UHRF2: variants seen among roughly 807,000 people sequenced by gnomAD.
UHRF2 encodes the protein ubiquitin like with PHD and ring finger domains 2, also known as E3 ubiquitin-protein ligase UHRF2.
Under a neutral mutation model 96.8 loss-of-function variants are expected in UHRF2, and 23 were observed. The ratio of observed to expected loss-of-function variants is 0.24; its 90% CI spans 0.17 to 0.34. The LOEUF (loss-of-function observed/expected upper bound fraction) is 0.34. Among genes scored for constraint, UHRF2 ranks in the 10% least tolerant of loss-of-function variants. UHRF2 has a pLI of 1.00. For missense variants in UHRF2, 685 were observed against 981.5 expected (o/e 0.70, Z 4.04); for synonymous variants, 385 against 332.6 (o/e 1.16, Z -1.72).
chr9:6,492,532 A>G (rs1263622421), intron 9 of UHRF2: 1 of 200,838 alleles, frequency 5.0e-6, no homozygotes, highest in Non-Finnish European at 9.0e-6. Context: ...AGGGTTTTGG[A>G]CCAATAACAC....
intron 9 of UHRF2, chr9:6,492,275 T>G (rs912824370): frequency 4.2e-5 from 47 of 1,129,284 alleles, no homozygotes; most frequent in Non-Finnish European, 5.2e-5. Flanking sequence ...ACTTTTTCTT[T>G]ATGGCACTCC....
intron 4 of UHRF2, among the ~76,000 whole-genome samples, chr9:6,461,457 C>G (rs926648139): frequency 3.4e-5 from 5 of 148,674 alleles, no homozygotes; most frequent in South Asian, 4.4e-4. Flanking sequence ...ACTGTAACCT[C>G]TGCCTCTTGG....
intron 6 of UHRF2, among the ~76,000 whole-genome samples, chr9:6,478,631 T>G (rs1224372712): frequency 6.6e-6 from 1 of 152,202 alleles, no homozygotes; most frequent in African/African-American, 2.4e-5. Flanking sequence ...GGTTTTTTCT[T>G]TTTAAACTAT....
chr9:6,480,979 TTTG>T (rs1235298277), intron 6 of UHRF2, among the ~76,000 whole-genome samples: 11 of 152,186 alleles, frequency 7.2e-5, no homozygotes, highest in Admixed American at 5.9e-4. Flanking sequence ...CCATTAGATC[TTTG>T]TTAGAGTATT....
intron 4 of UHRF2, among the ~76,000 whole-genome samples, chr9:6,463,144 G>A (rs1034207667): frequency 7.9e-5 from 12 of 151,746 alleles, no homozygotes; most frequent in Non-Finnish European, 1.5e-4. Flanking sequence ...AGCTGGGTGC[G>A]GTGTTGCATG....
chr9:6,505,771 C>T (rs1220687260), intron 15 of UHRF2, among the ~76,000 whole-genome samples: 3 of 152,218 alleles, frequency 2.0e-5, no homozygotes, highest in Non-Finnish European at 4.4e-5. Flanking sequence ...TATGTAATCT[C>T]TAACTCCACC....
rs190353225 is a variant in UHRF2 at position 6,467,031 on chromosome 9, A to G, written c.863+6240A>G. Among the ~76,000 whole-genome samples, 3 of 152,352 alleles carry G rather than the reference A, an allele frequency of 2.0e-5. No individual in the cohort carries two copies. The East Asian group carries it at 5.8e-4, about 29-fold the overall frequency. ...TTGTATTTAGTTTCCTATTGCTGCT[A>G]CAACAAATTACCACAAACATAGTAG... On this transcript the variant is annotated intron_variant, in intron 4 of 15. Coordinates refer to ENST00000276893, the MANE Select transcript of UHRF2 (RefSeq NM_152896.3).
At chr9:6,495,577 C>A (rs1282068577) in intron 10 of UHRF2, 1 of 152,170 alleles carries the variant, frequency 6.6e-6, no homozygotes, top group Non-Finnish European at 1.5e-5. Flanking sequence ...ATTCCTATTT[C>A]TTCCCAGCTC....
intron 2 of UHRF2, among the ~76,000 whole-genome samples, chr9:6,425,010 C>A (rs1024576100): frequency 2.0e-5 from 3 of 152,072 alleles, no homozygotes; most frequent in Admixed American, 6.6e-5. Flanking sequence ...CTGATGTGAA[C>A]CTTAATCATC....
Position 6,413,297 on chromosome 9 carries a change from A to T in UHRF2, c.-194A>T. On this transcript the variant is annotated 5_prime_UTR_variant, in exon 1 of 16. The change creates a new upstream start codon in the 5' untranslated region. Transcript: ENST00000276893. Reference sequence around the variant, plus strand: ...GAGTGGTTCCGGTCGTCTCTCCTCAAGTCGGCTAGTCGGGCGCGCGCGCTG... The same window carrying T: ...GAGTGGTTCCGGTCGTCTCTCCTCATGTCGGCTAGTCGGGCGCGCGCGCTG... 6.9e-6 allele frequency: 2 copies of T among 291,856 alleles called. No homozygotes were observed. Among genetic ancestry groups the T allele is most frequent in the Non-Finnish European group, 5.7e-6 (1 of 175,220 alleles). 18.1% of individuals were successfully genotyped at this position (291,856 alleles called of 1,614,324 possible).
intron 2 of UHRF2, among the ~76,000 whole-genome samples, chr9:6,430,585 A>T (rs1391809151): frequency 6.6e-6 from 1 of 152,126 alleles, no homozygotes; most frequent in Non-Finnish European, 1.5e-5. Flanking sequence ...TGTAATCCCG[A>T]GTCCATGCAC....
chr9:6,413,357 T>C lies in UHRF2; in HGVS notation c.-134T>C, dbSNP rs1819399693. The C allele has an allele frequency of 1.1e-6, 1 of 901,180 alleles. No individual in the cohort carries two copies. The highest frequency in any genetic ancestry group is 1.8e-5 in the African/African-American group (1 of 55,584). The allele number at this position is 901,180 out of a possible 1,614,324, so 55.8% of individuals were successfully genotyped here. A position where few individuals can be genotyped will look rare whatever the true frequency, so the allele number is the denominator to read the frequency against. On this transcript the variant is annotated 5_prime_UTR_variant, in exon 1 of 16. Coordinates refer to ENST00000276893, the MANE Select transcript of UHRF2 (RefSeq NM_152896.3). ...GCCGCCTGTCGGGCCCGGCGTCCGG[T>C]CGGTCCGGTGGGCGCGCTCGCCCGC...
chr9:6,423,297 A>G (rs1246603175), intron 2 of UHRF2, among the ~76,000 whole-genome samples: 2 of 152,216 alleles, frequency 1.3e-5, no homozygotes, highest in African/African-American at 4.8e-5. Flanking sequence ...TTGACCTACA[A>G]CATAAAGAAG....
At chr9:6,498,754 C>G (rs1254077885) in intron 12 of UHRF2, 1 of 152,290 alleles carries the variant, frequency 6.6e-6, no homozygotes, top group Non-Finnish European at 1.5e-5. Flanking sequence ...TGCCTGTATA[C>G]CCTAGAATTT....
intron 3 of UHRF2, among the ~76,000 whole-genome samples, chr9:6,445,819 C>T (rs1236615398): frequency 1.3e-5 from 2 of 152,132 alleles, no homozygotes; most frequent in Non-Finnish European, 2.9e-5. Context: ...CCCCCTTGGC[C>T]TCCCAAAGTG....
chr9:6,435,708 G>A (rs919980705), intron 3 of UHRF2, among the ~76,000 whole-genome samples: 5 of 152,160 alleles, frequency 3.3e-5, no homozygotes, highest in African/African-American at 1.2e-4. Context: ...TCAGGTTGAA[G>A]CGATTCTGCT....
At chr9:6,475,343 C>A in intron 4 of UHRF2, 48 bp from the exon 5 acceptor site, 1 of 1,184,550 alleles carries the variant, frequency 8.4e-7, no homozygotes, top group South Asian at 1.8e-5. Context: ...TTTGTATATA[C>A]CTTAGATTTT....
intron 3 of UHRF2, among the ~76,000 whole-genome samples, chr9:6,445,296 C>G (rs1408352892): frequency 6.6e-6 from 1 of 152,056 alleles, no homozygotes; most frequent in African/African-American, 2.4e-5. Context: ...TGGAGTCTTG[C>G]TCTGTCTCCC....
At chr9:6,439,725 C>G (rs910096776) in intron 3 of UHRF2, among the ~76,000 whole-genome samples, 16 of 152,104 alleles carry the variant, frequency 1.1e-4, no homozygotes, top group Admixed American at 4.6e-4. Context: ...ATTTAGATTT[C>G]AAGGAATTCT....
Sources: allele counts gnomAD v4.1 joint callset (sites outside exome capture counted in the v4.1 genomes callset), GRCh38; gene constraint gnomAD v4.1.1; transcripts MANE v1.5; gene names NCBI Gene and HGNC (gene_info 2026-07-23, HGNC 2026-07-21).